The following FGF14 variants were observed in gnomAD, a reference collection of about 807,000 sequenced individuals.
FGF14 encodes fibroblast growth factor 14, also known as fibroblast growth factor homologous factor 4.
In FGF14, 5 loss-of-function variants were observed where a neutral mutation model predicts 25.5. The ratio of observed to expected loss-of-function variants is 0.20; its 90% CI spans 0.10 to 0.41. The LOEUF is 0.41. FGF14 is among the 10% of genes least tolerant of loss of function. FGF14 has a pLI of 1.00. For synonymous variants in FGF14, 138 were observed against 118.3 expected, an observed-to-expected ratio of 1.17 and a Z score of -1.08; for missense variants, 222 against 320.1, an observed-to-expected ratio of 0.69 and a Z score of 2.34.
At chr13:102,046,715 A>T (rs2042000698) in intron 1 of FGF14, among the ~76,000 whole-genome samples, 1 of 152,206 alleles carries the variant, frequency 6.6e-6, no homozygotes, top group South Asian at 2.1e-4. Flanking sequence ...ATCTTCAGAA[A>T]ATTGTTGAAA....
intron 1 of FGF14, among the ~76,000 whole-genome samples, chr13:101,941,265 G>T (rs2035432448): frequency 6.6e-6 from 1 of 152,158 alleles, no homozygotes; most frequent in Non-Finnish European, 1.5e-5. Flanking sequence ...TGTAGTGTAT[G>T]CTCCCAGCTA....
intron 1 of FGF14, among the ~76,000 whole-genome samples, chr13:101,882,939 T>A (rs1301661622): frequency 2.0e-5 from 3 of 152,190 alleles, no homozygotes; most frequent in South Asian, 4.1e-4. Context: ...ATTTTTTTTT[T>A]ATTAATAATC....
intron 1 of FGF14, among the ~76,000 whole-genome samples, chr13:101,941,387 G>A (rs1417560066): frequency 1.3e-5 from 2 of 152,220 alleles, no homozygotes; most frequent in African/African-American, 2.4e-5. Flanking sequence ...ATTTCCATAA[G>A]TTATAATAAC....
intron 3 of FGF14, among the ~76,000 whole-genome samples, chr13:101,841,068 G>T (rs1440652359): frequency 2.0e-5 from 3 of 151,870 alleles, no homozygotes; most frequent in South Asian, 2.1e-4. Flanking sequence ...ATGAAATCAG[G>T]GAAGTCCAAG....
chr13:101,989,263 A>T (rs1276306279), intron 1 of FGF14, among the ~76,000 whole-genome samples: 2 of 152,096 alleles, frequency 1.3e-5, no homozygotes, highest in African/African-American at 4.8e-5. Context: ...ATAAAAAGTT[A>T]CAATTTTGAT....
chr13:102,092,872 A>C lies in FGF14; in HGVS notation c.209-217576T>G, dbSNP rs1349609138. 3.9e-5 allele frequency among the ~76,000 whole-genome samples: 6 copies of C among 152,208 alleles called. No homozygotes were observed. In the East Asian group the frequency reaches 9.6e-4, roughly 24 times the overall value. ...AAAAAGACAGAAAATGATTCTAAAA[A>C]TCAATAAAAATGTTATACAGCAAAG... On this transcript the variant is annotated intron_variant, in intron 1 of 4. Transcript: ENST00000376131.
chr13:102,117,284 C>T (rs2045516135), intron 1 of FGF14, among the ~76,000 whole-genome samples: 1 of 152,016 alleles, frequency 6.6e-6, no homozygotes, highest in African/African-American at 2.4e-5. Flanking sequence ...TCCTCATCCT[C>T]CCACCTCACA....
At chr13:102,118,708 T>C (rs1285950448) in intron 1 of FGF14, among the ~76,000 whole-genome samples, 3 of 152,188 alleles carry the variant, frequency 2.0e-5, no homozygotes, top group African/African-American at 7.2e-5. Flanking sequence ...TATGTATATA[T>C]ACTTCAAAAT....
intron 1 of FGF14, among the ~76,000 whole-genome samples, chr13:102,194,315 G>A (rs532987023): frequency 2.5e-4 from 38 of 151,864 alleles, no homozygotes; most frequent in Admixed American, 1.4e-3. Flanking sequence ...TGTACAGGAC[G>A]TGCAGGTTTG....
At chr13:102,026,570 C>T (rs1263416820) in intron 1 of FGF14, among the ~76,000 whole-genome samples, 1 of 151,788 alleles carries the variant, frequency 6.6e-6, no homozygotes, top group African/African-American at 2.4e-5. Flanking sequence ...TTACTTTTCC[C>T]AGAACTGAGT....
chr13:102,241,116 G>C (rs1403403097), intron 1 of FGF14, among the ~76,000 whole-genome samples: 3 of 152,104 alleles, frequency 2.0e-5, no homozygotes, highest in Non-Finnish European at 4.4e-5. Flanking sequence ...TATCCCACCA[G>C]ACTGATAATG....
At chr13:102,301,928 G>A (rs2055084872) in intron 1 of FGF14, among the ~76,000 whole-genome samples, 1 of 150,670 alleles carries the variant, frequency 6.6e-6, no homozygotes, top group Admixed American at 6.7e-5. Context: ...AGTGTCATCG[G>A]AAGAACACAT....
chr13:102,247,268 C>G (rs915958920), intron 1 of FGF14, among the ~76,000 whole-genome samples: 17 of 151,802 alleles, frequency 1.1e-4, no homozygotes, highest in African/African-American at 4.1e-4. Flanking sequence ...TTCTACACAG[C>G]AAAAGAAAAT....
chr13:101,868,501 T>C lies in FGF14; in HGVS notation c.408+224A>G, dbSNP rs2044860788. 7 of 493,426 alleles carry C rather than the reference T, an allele frequency of 1.4e-5. 1 individual carries two copies. In the South Asian group the frequency reaches 1.5e-4, roughly 10 times the overall value. 30.6% of individuals were successfully genotyped at this position (493,426 alleles called of 1,614,324 possible). A position where few individuals can be genotyped will look rare whatever the true frequency, so the allele number is the denominator to read the frequency against. On this transcript the variant is annotated intron_variant, in intron 3 of 4. Transcript: ENST00000376143. The stretch of plus-strand genomic sequence containing the variant: ...GTATACTAGGTTATTTTTTAAAATA[T>C]GGCAAAAGCACTATTTAAGACATAG...
intron 1 of FGF14, among the ~76,000 whole-genome samples, chr13:101,954,482 G>A (rs147946283): frequency 6.6e-5 from 10 of 152,306 alleles, no homozygotes; most frequent in African/African-American, 1.4e-4. Flanking sequence ...AGGATTTACT[G>A]CCCAATGGTC....
chr13:102,310,685 C>CTCTCTCTCTG (rs369697906), intron 1 of FGF14, among the ~76,000 whole-genome samples: 4 of 6,854 alleles, frequency 5.8e-4, no homozygotes, highest in African/African-American at 1.3e-3. Context: ...CTCTCTCTCT[C>CTCTCTCTCTG]TGTGTGTGTG....
intron 1 of FGF14, among the ~76,000 whole-genome samples, chr13:101,915,848 G>A (rs904709086): frequency 2.6e-5 from 4 of 152,208 alleles, no homozygotes; most frequent in Non-Finnish European, 5.9e-5. Flanking sequence ...TGACTGAAGG[G>A]CTGCAGAGCC....
chr13:101,961,156 AG>A (rs1482997793), intron 1 of FGF14, among the ~76,000 whole-genome samples: 2 of 152,084 alleles, frequency 1.3e-5, no homozygotes, highest in African/African-American at 4.8e-5. Flanking sequence ...CTCTGATGAC[AG>A]TTTCTTTCAC....
chr13:102,003,847 T>C (rs1367081998), intron 1 of FGF14, among the ~76,000 whole-genome samples: 2 of 152,140 alleles, frequency 1.3e-5, no homozygotes, highest in African/African-American at 2.4e-5. Context: ...CCCATATATA[T>C]AGCCAAAATG....
Sources: allele counts gnomAD v4.1 joint callset (sites outside exome capture counted in the v4.1 genomes callset), GRCh38; gene constraint gnomAD v4.1.1; transcripts MANE v1.5; gene names NCBI Gene and HGNC (gene_info 2026-07-23, HGNC 2026-07-21).